The following CCSER1 variants were observed in gnomAD, a reference collection of about 807,000 sequenced individuals.
CCSER1 encodes coiled-coil serine rich protein 1.
CCSER1 carries 41 observed loss-of-function variants against 82.0 expected under a neutral mutation model. That is an observed-to-expected ratio of 0.50 (90% CI 0.39 to 0.65). The LOEUF (loss-of-function observed/expected upper bound fraction) is 0.65. Among genes scored for constraint, CCSER1 ranks in the 30% least tolerant of loss-of-function variants. The pLI is 0.00. For missense variants in CCSER1, 1,119 were observed against 1,064.2 expected (o/e 1.05, Z -0.72); for synonymous variants, 414 against 383.9 (o/e 1.08, Z -0.92).
intron 2 of CCSER1, among the ~76,000 whole-genome samples, chr4:90,310,661 G>T (rs141560025): frequency 2.2e-4 from 33 of 152,056 alleles, no homozygotes; most frequent in African/African-American, 6.8e-4. Flanking sequence ...GTGAAAACAG[G>T]CTAAAGAATC....
intron 10 of CCSER1, among the ~76,000 whole-genome samples, chr4:91,213,602 GGGA>G (rs1737009648): frequency 6.6e-6 from 1 of 152,090 alleles, no homozygotes; most frequent in Non-Finnish European, 1.5e-5. Context: ...GGCTTTTGTG[GGGA>G]GGAGAATGGA....
At chr4:90,296,976 G>T (rs1732088331) in intron 1 of CCSER1, among the ~76,000 whole-genome samples, 1 of 152,084 alleles carries the variant, frequency 6.6e-6, no homozygotes, top group Non-Finnish European at 1.5e-5. Context: ...GGCAATGTGG[G>T]CTCTTTTTTG....
rs573445100 is a variant in CCSER1, at chr4:91,096,054, G to A, written c.2217+10060G>A. On this transcript the variant is annotated intron_variant, in intron 10 of 10. Transcript: ENST00000509176. ...GTCAATTAGAGCTTCAGGCTTTTCA[G>A]TGTAAGATGGAATATTATTTTTCCA... Among the ~76,000 whole-genome samples, 166 of 152,304 alleles carry A rather than the reference G, an allele frequency of 1.1e-3. 2 individuals carry two copies. Among genetic ancestry groups the A allele is most frequent in the African/African-American group, 3.8e-3 (158 of 41,562 alleles).
At chr4:90,855,539 AGT>A (rs1764364419) in intron 8 of CCSER1, among the ~76,000 whole-genome samples, 2 of 152,184 alleles carry the variant, frequency 1.3e-5, no homozygotes, top group Admixed American at 1.3e-4. Flanking sequence ...GGTTTCCACT[AGT>A]AACATATTTT....
In CCSER1 at chr4:91,569,721, A is replaced by C. The variant is rs117086288; in HGVS notation, c.2218-28851A>C. 5.3e-4 allele frequency among the ~76,000 whole-genome samples: 80 copies of C among 152,236 alleles called. 1 individual carries two copies. In the East Asian group the frequency reaches 0.016, roughly 30 times the overall value. The stretch of plus-strand genomic sequence containing the variant: ...TCTCCCACCAGGTCCCCCCCAAAAA[A>C]CATGGGGATCATGGGAACAACAGTT... On this transcript the variant is annotated intron_variant, in intron 10 of 10. Coordinates refer to ENST00000509176, the MANE Select transcript of CCSER1 (RefSeq NM_001145065.2).
intron 1 of CCSER1, among the ~76,000 whole-genome samples, 186 bp downstream of exon 1, chr4:90,128,017 G>T (rs549118408): frequency 1.3e-5 from 2 of 152,020 alleles, no homozygotes; most frequent in Non-Finnish European, 2.9e-5. Context: ...TTGCGGGCGG[G>T]GTGGGAAGGA....
intron 10 of CCSER1, among the ~76,000 whole-genome samples, chr4:91,209,920 C>T (rs1002827165): frequency 4.6e-5 from 7 of 151,832 alleles, no homozygotes; most frequent in East Asian, 3.9e-4. Context: ...TTAGAAACAG[C>T]GTGCCTCAGT....
intron 9 of CCSER1, among the ~76,000 whole-genome samples, chr4:90,948,315 A>G (rs958775687): frequency 6.6e-6 from 1 of 151,832 alleles, no homozygotes; most frequent in Non-Finnish European, 1.5e-5. Flanking sequence ...ATAAATATAT[A>G]TATGAAATTA....
chr4:91,345,898 TG>T (rs1748021770), intron 10 of CCSER1, among the ~76,000 whole-genome samples: 1 of 152,206 alleles, frequency 6.6e-6, no homozygotes, highest in Non-Finnish European at 1.5e-5. Context: ...TGTCCATAGT[TG>T]GCCTTTTCTA....
chr4:90,951,949 CAT>C (rs1300333035), intron 9 of CCSER1, among the ~76,000 whole-genome samples: 1 of 151,938 alleles, frequency 6.6e-6, no homozygotes, highest in African/African-American at 2.4e-5. Flanking sequence ...CACGCACACA[CAT>C]ACAGACACAC....
At chr4:90,412,049 G>T (rs1754938058) in intron 4 of CCSER1, among the ~76,000 whole-genome samples, 1 of 151,848 alleles carries the variant, frequency 6.6e-6, no homozygotes, top group Admixed American at 6.6e-5. Context: ...CAATAGCAAA[G>T]ACTTTGAACC....
intron 10 of CCSER1, among the ~76,000 whole-genome samples, chr4:91,337,264 G>C (rs146033247): frequency 6.6e-6 from 1 of 152,002 alleles, no homozygotes; most frequent in Non-Finnish European, 1.5e-5. Flanking sequence ...TACTTATAAC[G>C]CATGAACATC....
chr4:90,633,008 A>G (rs1288246521), intron 6 of CCSER1, among the ~76,000 whole-genome samples: 2 of 152,090 alleles, frequency 1.3e-5, no homozygotes, highest in Non-Finnish European at 2.9e-5. Context: ...TACAGGTTGT[A>G]TAACAGTCTA....
intron 10 of CCSER1, among the ~76,000 whole-genome samples, chr4:91,409,153 C>G (rs2149369282): frequency 6.6e-6 from 1 of 152,322 alleles, no homozygotes; most frequent in East Asian, 1.9e-4. Context: ...AATAGTGAAT[C>G]TCAGTAGACC....
At chr4:91,296,989 G>T (rs1422279039) in intron 10 of CCSER1, among the ~76,000 whole-genome samples, 1 of 151,478 alleles carries the variant, frequency 6.6e-6, no homozygotes, top group Non-Finnish European at 1.5e-5. Flanking sequence ...AAAAAAAACA[G>T]GACAAGATAT....
At chr4:90,190,978 G>A (rs1213228371) in intron 1 of CCSER1, among the ~76,000 whole-genome samples, 1 of 151,892 alleles carries the variant, frequency 6.6e-6, no homozygotes, top group Non-Finnish European at 1.5e-5. Context: ...CAAAGTTTAT[G>A]CTATGTTCTT....
chr4:91,588,194 C>T lies in CCSER1; in HGVS notation c.2218-10378C>T, dbSNP rs1019706920. On this transcript the variant is annotated intron_variant, in intron 10 of 10. Coordinates refer to ENST00000509176, the MANE Select transcript of CCSER1 (RefSeq NM_001145065.2). ...TTTCTCTTTGTTAGCAGACTTTTTG[C>T]GACTACTCTGAGTTTGCAAAGAAAA... 8.6e-5 allele frequency among the ~76,000 whole-genome samples: 13 copies of T among 150,884 alleles called. No homozygotes were observed. In the South Asian group the frequency reaches 1.0e-3, roughly 12 times the overall value.
At chr4:90,430,795 G>A (rs1161303521) in intron 4 of CCSER1, among the ~76,000 whole-genome samples, 1 of 151,868 alleles carries the variant, frequency 6.6e-6, no homozygotes, top group South Asian at 2.1e-4. Flanking sequence ...TAGGACTAAT[G>A]AAATTTGTTT....
At chr4:91,272,355 A>G (rs1017749736) in intron 10 of CCSER1, among the ~76,000 whole-genome samples, 6 of 152,086 alleles carry the variant, frequency 3.9e-5, no homozygotes, top group Non-Finnish European at 8.8e-5. Context: ...GTCATTAGTG[A>G]TGAGCATTTT....
Sources: gnomAD v4.1 joint callset for allele counts (sites outside exome capture counted in the v4.1 genomes callset) on GRCh38, gnomAD v4.1.1 for gene constraint, MANE v1.5 for transcripts, NCBI Gene and HGNC (gene_info 2026-07-23, HGNC 2026-07-21) for gene names.